STK24: variants seen among roughly 807,000 people sequenced by gnomAD.
STK24 encodes the protein serine/threonine-protein kinase 24.
In STK24, 21 loss-of-function variants were observed where a neutral mutation model predicts 55.6. That is an observed-to-expected ratio of 0.38 (90% CI 0.27 to 0.54). The LOEUF is 0.54. STK24 is among the 20% of genes least tolerant of loss of function. STK24 has a pLI of 0.79. For synonymous variants in STK24, 200 were observed against 215.2 expected (o/e 0.93, Z 0.62); for missense variants, 383 against 538.4 (o/e 0.71, Z 2.86).
At chr13:98,512,167 C>A (rs1312190171) in intron 2 of STK24, among the ~76,000 whole-genome samples, 1 of 152,022 alleles carries the variant, frequency 6.6e-6, no homozygotes, top group African/African-American at 2.4e-5. Flanking sequence ...GGATTACAGG[C>A]GTGAGCCACT....
chr13:98,458,708 G>A (rs566436752), intron 9 of STK24, among the ~76,000 whole-genome samples: 1 of 152,164 alleles, frequency 6.6e-6, no homozygotes, highest in Non-Finnish European at 1.5e-5. Flanking sequence ...CAGAAGGGCC[G>A]CCCTGGGAGA....
At chr13:98,509,298 T>C (rs1895796842) in intron 2 of STK24, among the ~76,000 whole-genome samples, 2 of 152,230 alleles carry the variant, frequency 1.3e-5, no homozygotes, top group South Asian at 4.1e-4. Flanking sequence ...ATAGTATCAA[T>C]GTTGCCAAGA....
At chr13:98,463,541 C>CA in intron 7 of STK24, 150 bp downstream of exon 7, 1 of 929,264 alleles carries the variant, frequency 1.1e-6, no homozygotes, top group Non-Finnish European at 1.6e-6. Flanking sequence ...CAAACAGGCC[C>CA]AGGCTGTGTC....
intron 2 of STK24, among the ~76,000 whole-genome samples, chr13:98,490,284 T>C (rs1894969845): frequency 6.6e-6 from 1 of 152,234 alleles, no homozygotes; most frequent in Non-Finnish European, 1.5e-5. Flanking sequence ...AGGCCCCAAA[T>C]GCTGAACCTA....
intron 2 of STK24, among the ~76,000 whole-genome samples, chr13:98,489,614 T>G (rs1478356312): frequency 6.6e-6 from 1 of 152,190 alleles, no homozygotes; most frequent in Non-Finnish European, 1.5e-5. Flanking sequence ...GAACACCTGG[T>G]TGCTCACGAA....
chr13:98,479,523 A>C (rs977767741), intron 3 of STK24, among the ~76,000 whole-genome samples: 1 of 152,180 alleles, frequency 6.6e-6, no homozygotes, highest in Non-Finnish European at 1.5e-5. Flanking sequence ...CCAACAGCAG[A>C]CCTGGGCTCA....
chr13:98,510,453 C>T (rs1895843596), intron 2 of STK24, among the ~76,000 whole-genome samples: 1 of 152,182 alleles, frequency 6.6e-6, no homozygotes, highest in Non-Finnish European at 1.5e-5. Context: ...GAAAGGAAAA[C>T]ATATCCACAC....
chr13:98,569,010 T>C (rs1468916190), intron 1 of STK24, among the ~76,000 whole-genome samples: 1 of 151,176 alleles, frequency 6.6e-6, no homozygotes, highest in Non-Finnish European at 1.5e-5. Context: ...AAGATCTGAG[T>C]CGCTTCACAG....
intron 1 of STK24, among the ~76,000 whole-genome samples, chr13:98,551,444 T>C (rs1897158282): frequency 6.6e-6 from 1 of 151,898 alleles, no homozygotes; most frequent in Non-Finnish European, 1.5e-5. Context: ...CCCGTCATAC[T>C]TTCTCTTTTT....
At position 98,561,683 on chromosome 13, in the gene STK24, T is replaced by C. The variant is rs532129718; in HGVS notation, c.42+15062A>G. ...GGCTGGTACTCCTCTGTCCTAAAGA[T>C]GGGGCAGGGCTGGTCGGGTGCAGTG... On this transcript the variant is annotated intron_variant, in intron 1 of 10. Coordinates refer to ENST00000539966, the MANE Select transcript of STK24 (RefSeq NM_001032296.4). 2.0e-5 allele frequency among the ~76,000 whole-genome samples: 3 copies of C among 151,836 alleles called. No individual in the cohort carries two copies. The East Asian group carries it at 5.9e-4, about 30-fold the overall frequency.
chr13:98,495,350 GT>G (rs1303152444), intron 2 of STK24, among the ~76,000 whole-genome samples: 3 of 152,142 alleles, frequency 2.0e-5, no homozygotes, highest in African/African-American at 7.2e-5. Context: ...GAATATAGAA[GT>G]TTTAGAAAAG....
intron 1 of STK24, among the ~76,000 whole-genome samples, chr13:98,562,743 G>T (rs1468500710): frequency 6.6e-6 from 1 of 151,734 alleles, no homozygotes; most frequent in East Asian, 1.9e-4. Flanking sequence ...GTGAAACCCC[G>T]TCTCTACTAA....
intron 1 of STK24, among the ~76,000 whole-genome samples, chr13:98,565,657 C>A (rs964249877): frequency 1.3e-5 from 2 of 149,916 alleles, no homozygotes; most frequent in African/African-American, 4.9e-5. Flanking sequence ...AAATTATATT[C>A]GATTAGAGGG....
At chr13:98,459,102 A>G (rs1290418484) in intron 9 of STK24, among the ~76,000 whole-genome samples, 1 of 152,154 alleles carries the variant, frequency 6.6e-6, no homozygotes, top group Non-Finnish European at 1.5e-5. Flanking sequence ...AAGTCCATGC[A>G]CTTTCCCTAA....
rs190421267 is a variant in STK24, at chr13:98,473,820, G to A, written c.597+1001C>T. ...CTGCAACTTGAGCTACAACCTGGAC[G>A]CTTTCTAACAGTCTATAGCTTGCAA... On this transcript the variant is annotated intron_variant, in intron 5 of 10. Transcript: ENST00000539966. Among the ~76,000 whole-genome samples, 45 of 152,338 alleles carry A rather than the reference G, an allele frequency of 3.0e-4. 1 individual carries two copies. The highest frequency in any genetic ancestry group is 3.4e-3 in the Middle Eastern group (1 of 294).
intron 2 of STK24, among the ~76,000 whole-genome samples, chr13:98,506,922 G>A (rs545461982): frequency 2.0e-5 from 3 of 152,300 alleles, no homozygotes; most frequent in East Asian, 1.9e-4. Context: ...CCAGGAGCCC[G>A]CAGGCCCGTC....
chr13:98,553,496 G>T (rs912897451), intron 1 of STK24: 10 of 171,330 alleles, frequency 5.8e-5, no homozygotes, highest in Admixed American at 1.2e-4. Context: ...CGAAAAAGTA[G>T]CTCAAGGATT....
chr13:98,562,808 C>A (rs9556973), intron 1 of STK24, among the ~76,000 whole-genome samples: 39,291 of 150,616 alleles, frequency 0.26, 5,998 homozygotes, highest in East Asian at 0.41. Context: ...CCCAGCTACT[C>A]GGGAGGCTGA....
rs193282856 is a variant in STK24, at chr13:98,453,047, C to T, written c.*126G>A. The T allele has an allele frequency of 4.5e-3, 4,776 of 1,067,304 alleles. 22 individuals carry two copies. The highest frequency in any genetic ancestry group is 6.2e-3 in the Non-Finnish European group (4,518 of 724,784). The allele number at this position is 1,067,304 out of a possible 1,614,324, so 66.1% of individuals were successfully genotyped here. A position where few individuals can be genotyped will look rare whatever the true frequency, so the allele number is the denominator to read the frequency against. On this transcript the variant is annotated 3_prime_UTR_variant, in exon 11 of 11. Coordinates refer to ENST00000539966, the MANE Select transcript of STK24 (RefSeq NM_001032296.4). ...TGTGTGTCCCTGGACGGGCGCCTGG[C>T]GCTGGGGTGGCTCCCAGTGGCGCAC...
Sources: gnomAD v4.1 joint callset for allele counts (sites outside exome capture counted in the v4.1 genomes callset) on GRCh38, gnomAD v4.1.1 for gene constraint, MANE v1.5 for transcripts, NCBI Gene and HGNC (gene_info 2026-07-23, HGNC 2026-07-21) for gene names.